CNTNAP2: variants seen among roughly 807,000 people sequenced by gnomAD.
CNTNAP2 encodes the protein contactin associated protein 2.
CNTNAP2 carries 98 observed loss-of-function variants against 155.2 expected under a neutral mutation model. The ratio of observed to expected loss-of-function variants is 0.63; its 90% CI spans 0.54 to 0.75. The LOEUF is 0.75. Ranked by LOEUF, CNTNAP2 falls within the 30% of genes least tolerant of loss-of-function variation. CNTNAP2 has a pLI of 0.00. For missense variants in CNTNAP2, 1,727 were observed against 1,688.1 expected, an observed-to-expected ratio of 1.02 and a Z score of -0.40; for synonymous variants, 651 against 631.2, an observed-to-expected ratio of 1.03 and a Z score of -0.47.
At chr7:147,786,268 C>A (rs1797738053) in intron 13 of CNTNAP2, among the ~76,000 whole-genome samples, 1 of 152,094 alleles carries the variant, frequency 6.6e-6, no homozygotes, top group Non-Finnish European at 1.5e-5. Context: ...TGAGAAAATG[C>A]AATGAGATAC....
At position 146,634,514 on chromosome 7, in the gene CNTNAP2, C is replaced by T. The variant is rs1341971246; in HGVS notation, c.98-139757C>T. 7.9e-5 allele frequency among the ~76,000 whole-genome samples: 12 copies of T among 152,198 alleles called. No individual in the cohort carries two copies. In the East Asian group the frequency reaches 2.3e-3, roughly 29 times the overall value. ...ATTGATTGCTCCCACTTTAGTAGTGCTCTATAAACAAATAAAGAAATTAAC... is the reference window on the plus strand; with the variant it reads ...ATTGATTGCTCCCACTTTAGTAGTGTTCTATAAACAAATAAAGAAATTAAC... On this transcript the variant is annotated intron_variant, in intron 1 of 23. Transcript: ENST00000361727.
intron 13 of CNTNAP2, among the ~76,000 whole-genome samples, chr7:147,899,206 G>C (rs536347493): frequency 2.0e-5 from 3 of 152,260 alleles, no homozygotes; most frequent in Non-Finnish European, 4.4e-5. Flanking sequence ...CAAGTGTGGT[G>C]GCATGTGCCT....
chr7:147,643,107 TCACACA>T (rs1314418459), intron 13 of CNTNAP2, among the ~76,000 whole-genome samples: 3,785 of 152,196 alleles, frequency 0.025, 156 homozygotes, highest in African/African-American at 0.086. Flanking sequence ...ATTCTGTGAA[TCACACA>T]TTGAGAAACA....
chr7:147,736,705 G>T (rs1796852743), intron 13 of CNTNAP2, among the ~76,000 whole-genome samples: 1 of 152,148 alleles, frequency 6.6e-6, no homozygotes, highest in African/African-American at 2.4e-5. Context: ...ATATTTCTTG[G>T]AGGCTTTGTT....
intron 14 of CNTNAP2, among the ~76,000 whole-genome samples, chr7:147,908,507 G>A (rs1800007368): frequency 6.6e-6 from 1 of 152,170 alleles, no homozygotes; most frequent in African/African-American, 2.4e-5. Flanking sequence ...CCAGGAACAG[G>A]GAGGAAGCCA....
chr7:147,872,168 A>G (rs1481792384), intron 13 of CNTNAP2, among the ~76,000 whole-genome samples: 1 of 152,152 alleles, frequency 6.6e-6, no homozygotes, highest in Non-Finnish European at 1.5e-5. Flanking sequence ...ATAAGGCATG[A>G]TTTGGTTATT....
chr7:147,912,575 A>G (rs763504147), intron 14 of CNTNAP2, among the ~76,000 whole-genome samples: 56 of 152,138 alleles, frequency 3.7e-4, no homozygotes, highest in Admixed American at 3.0e-3. Flanking sequence ...GAAATTTTAC[A>G]CTGAGAGAAA....
intron 3 of CNTNAP2, among the ~76,000 whole-genome samples, chr7:146,858,914 C>T (rs946513998): frequency 6.6e-6 from 1 of 151,968 alleles, no homozygotes; most frequent in Non-Finnish European, 1.5e-5. Context: ...TTCTTTCATC[C>T]TTAATACATT....
intron 1 of CNTNAP2, among the ~76,000 whole-genome samples, chr7:146,529,342 T>C (rs1050743093): frequency 6.6e-6 from 1 of 152,152 alleles, no homozygotes; most frequent in African/African-American, 2.4e-5. Context: ...GTGAAGCAGA[T>C]AAAATGGTCA....
chr7:147,853,449 G>A (rs1012043417), intron 13 of CNTNAP2, among the ~76,000 whole-genome samples: 2 of 151,944 alleles, frequency 1.3e-5, no homozygotes, highest in Non-Finnish European at 2.9e-5. Flanking sequence ...ATTAACTACC[G>A]CTTTAAAAAT....
In CNTNAP2 at chr7:148,415,593, A is replaced by C. The variant is rs769291621; in HGVS notation, c.3973A>C (p.Ser1325Arg). ...CAACTTCACAGAGACCATTGATGAA[A>C]GCAAAAAGGAATGGCTCATTTGAGG... ...DPNFTETIDESKKEWLI is the reference protein window; with the variant it reads ...DPNFTETIDERKKEWLI The change falls in exon 24 of 24, where the codon AGC (serine) becomes CGC (arginine). Residue 1325 changes from serine to arginine, a missense_variant. By Grantham distance (110) the Ser-to-Arg change is moderately radical. Coordinates refer to ENST00000361727, the MANE Select transcript of CNTNAP2 (RefSeq NM_014141.6). 3 of 1,614,224 alleles carry C rather than the reference A, an allele frequency of 1.9e-6. No individual in the cohort carries two copies. Among genetic ancestry groups the C allele is most frequent in the Admixed American group, 1.7e-5 (1 of 60,024 alleles).
At chr7:147,870,798 C>A (rs1298384588) in intron 13 of CNTNAP2, among the ~76,000 whole-genome samples, 2 of 152,104 alleles carry the variant, frequency 1.3e-5, no homozygotes, top group African/African-American at 4.8e-5. Flanking sequence ...AGGATGGGAT[C>A]CTCTTGTGGC....
chr7:146,331,964 T>C (rs1265810932), intron 1 of CNTNAP2, among the ~76,000 whole-genome samples: 5 of 152,120 alleles, frequency 3.3e-5, no homozygotes, highest in African/African-American at 1.2e-4. Flanking sequence ...AGATTTTCAT[T>C]GAAAAATTTA....
At chr7:146,190,839 A>C (rs1399602063) in intron 1 of CNTNAP2, among the ~76,000 whole-genome samples, 1 of 152,176 alleles carries the variant, frequency 6.6e-6, no homozygotes, top group African/African-American at 2.4e-5. Context: ...TCTCTTTCTA[A>C]ACAGACATCT....
At chr7:147,697,609 CTT>C (rs1357506098) in intron 13 of CNTNAP2, among the ~76,000 whole-genome samples, 1 of 152,088 alleles carries the variant, frequency 6.6e-6, no homozygotes, top group Non-Finnish European at 1.5e-5. Context: ...AGGTCTCAGT[CTT>C]TTGGTGAGCT....
At chr7:148,116,232 T>C (rs1804468124) in intron 15 of CNTNAP2, among the ~76,000 whole-genome samples, 1 of 152,142 alleles carries the variant, frequency 6.6e-6, no homozygotes, top group Admixed American at 6.5e-5. Context: ...ACAAACATAT[T>C]TTGCACTAGT....
At chr7:148,245,518 A>G (rs904762280) in intron 20 of CNTNAP2, among the ~76,000 whole-genome samples, 1 of 151,764 alleles carries the variant, frequency 6.6e-6, no homozygotes, top group Non-Finnish European at 1.5e-5. Context: ...TCCTTTCAGC[A>G]GCATTTTCTT....
chr7:146,958,523 C>T lies in CNTNAP2; in HGVS notation c.403-85384C>T, dbSNP rs565349420. On this transcript the variant is annotated intron_variant, in intron 3 of 23. Transcript: ENST00000361727. The stretch of plus-strand genomic sequence containing the variant: ...CTGCCTCCAGGGTTCATGCCATTCT[C>T]CTGCCTCAGCCTCCCGAGTAGCTGG... Among the ~76,000 whole-genome samples, 410 of 149,178 alleles carry T rather than the reference C, an allele frequency of 2.7e-3. 1 individual carries two copies. The highest frequency in any genetic ancestry group is 4.8e-3 in the Non-Finnish European group (326 of 67,504).
intron 11 of CNTNAP2, among the ~76,000 whole-genome samples, chr7:147,529,823 A>G (rs1441473095): frequency 6.6e-6 from 1 of 152,142 alleles, no homozygotes; most frequent in Admixed American, 6.5e-5. Context: ...TTTTCTGACT[A>G]TTTCCATAAT....
Sources: allele counts gnomAD v4.1 joint callset (sites outside exome capture counted in the v4.1 genomes callset), GRCh38; gene constraint gnomAD v4.1.1; transcripts MANE v1.5; gene names NCBI Gene and HGNC (gene_info 2026-07-23, HGNC 2026-07-21).